Variants in FOXN3 observed in about 807,000 individuals in gnomAD.
The protein encoded by FOXN3 is forkhead box protein N3.
Under a neutral mutation model 38.4 loss-of-function variants are expected in FOXN3, and 7 were observed. The ratio of observed to expected loss-of-function variants is 0.18; its 90% CI spans 0.10 to 0.34. FOXN3 has a LOEUF of 0.34. FOXN3 is among the 10% of genes least tolerant of loss of function. The probability of loss-of-function intolerance (pLI) is 1.00; values close to 1 mark genes in which losing one functional copy is unlikely to be tolerated. For synonymous variants in FOXN3, 230 were observed against 242.2 expected (o/e 0.95, Z 0.47); for missense variants, 456 against 613.4 (o/e 0.74, Z 2.71).
At chr14:89,336,250 T>C (rs55700511) in intron 3 of FOXN3, among the ~76,000 whole-genome samples, 17 of 6,688 alleles carry the variant, frequency 2.5e-3, no homozygotes, top group South Asian at 0.013. Flanking sequence ...ATCCATCCAT[T>C]CATCCATCCA....
chr14:89,546,880 T>C (rs1440909015), intron 1 of FOXN3, among the ~76,000 whole-genome samples: 1 of 151,952 alleles, frequency 6.6e-6, no homozygotes, highest in East Asian at 2.0e-4. Context: ...GCCTCCCAGG[T>C]TCAGGCAATT....
chr14:89,397,565 G>A (rs914167183), intron 2 of FOXN3, among the ~76,000 whole-genome samples: 1 of 151,940 alleles, frequency 6.6e-6, no homozygotes, highest in Non-Finnish European at 1.5e-5. Flanking sequence ...AAACGTCTGA[G>A]GACCCCCTAC....
chr14:89,558,361 C>T (rs1480745182), intron 1 of FOXN3, among the ~76,000 whole-genome samples: 1 of 152,098 alleles, frequency 6.6e-6, no homozygotes, highest in African/African-American at 2.4e-5. Flanking sequence ...TCCAGGAATG[C>T]AATGGTGCAG....
intron 1 of FOXN3, among the ~76,000 whole-genome samples, chr14:89,508,466 C>A (rs1243643735): frequency 1.3e-5 from 2 of 152,204 alleles, no homozygotes; most frequent in Non-Finnish European, 2.9e-5. Flanking sequence ...CCAGTCTACA[C>A]CACCCCAGAG....
intron 2 of FOXN3, among the ~76,000 whole-genome samples, chr14:89,407,238 T>C (rs1163759456): frequency 2.0e-5 from 3 of 152,128 alleles, no homozygotes; most frequent in Non-Finnish European, 2.9e-5. Flanking sequence ...TACTCTATAG[T>C]GTAAGCCATG....
intron 1 of FOXN3, among the ~76,000 whole-genome samples, chr14:89,568,455 T>C (rs8021491): frequency 0.53 from 80,490 of 152,016 alleles, 22,956 homozygotes; most frequent in Middle Eastern, 0.68. Flanking sequence ...TCCCTCACAG[T>C]CGCTCCTTCC....
At chr14:89,295,025 G>C (rs936470674) in intron 3 of FOXN3, among the ~76,000 whole-genome samples, 11 of 152,070 alleles carry the variant, frequency 7.2e-5, no homozygotes, top group Admixed American at 4.6e-4. Flanking sequence ...AGAGCCAATC[G>C]GTGCTGGTAC....
At chr14:89,282,611 C>T (rs1886498588) in intron 3 of FOXN3, among the ~76,000 whole-genome samples, 1 of 152,208 alleles carries the variant, frequency 6.6e-6, no homozygotes, top group African/African-American at 2.4e-5. Context: ...AAGCAGGGAA[C>T]AGCAAGCTGG....
chr14:89,475,007 A>T (rs1343530631), intron 1 of FOXN3, among the ~76,000 whole-genome samples: 2 of 151,450 alleles, frequency 1.3e-5, no homozygotes, highest in Non-Finnish European at 2.9e-5. Context: ...GTAGAGATGG[A>T]GTTTCATCAT....
chr14:89,302,498 T>C (rs1003751266), intron 3 of FOXN3, among the ~76,000 whole-genome samples: 1 of 152,168 alleles, frequency 6.6e-6, no homozygotes. Flanking sequence ...GACCACACAA[T>C]TGAAGCTTTA....
chr14:89,216,010 C>T (rs1884269316), intron 4 of FOXN3, among the ~76,000 whole-genome samples: 1 of 152,164 alleles, frequency 6.6e-6, no homozygotes, highest in South Asian at 2.1e-4. Flanking sequence ...GAATGCCTAC[C>T]TTTTCTCATC....
chr14:89,417,729 T>C (rs1446062408), upstream of FOXN3: 1 of 455,996 alleles, frequency 2.2e-6, no homozygotes, highest in Admixed American at 2.3e-5. Context: ...GTCTCCCCAG[T>C]GCTGCGTCCT....
At chr14:89,295,228 T>C (rs1463876525) in intron 3 of FOXN3, among the ~76,000 whole-genome samples, 1 of 152,174 alleles carries the variant, frequency 6.6e-6, no homozygotes, top group African/African-American at 2.4e-5. Flanking sequence ...CCTTTAATGT[T>C]CAACTCGAAT....
intron 1 of FOXN3, among the ~76,000 whole-genome samples, chr14:89,481,320 T>G (rs1308877172): frequency 6.6e-6 from 1 of 152,130 alleles, no homozygotes; most frequent in Admixed American, 6.5e-5. Flanking sequence ...TAGGGAGTGG[T>G]GGCAGGGGAC....
At chr14:89,404,530 A>T (rs376762009) in intron 2 of FOXN3, among the ~76,000 whole-genome samples, 2 of 137,672 alleles carry the variant, frequency 1.5e-5, no homozygotes, top group African/African-American at 5.7e-5. Context: ...AAAAAAAAAA[A>T]TCGGCAGGAT....
In FOXN3 at chr14:89,282,106, T is replaced by C. The variant is rs76349837; in HGVS notation, c.681-1092A>G. On this transcript the variant is annotated intron_variant, in intron 3 of 5. Coordinates refer to ENST00000557258, the MANE Select transcript of FOXN3 (RefSeq NM_005197.4). ...AATGACACATTCTGCCCACTGGAAT[T>C]TCATTACCAGAGGTACAAATAGTAT... Among the ~76,000 whole-genome samples the C allele has an allele frequency of 3.1e-3, 466 of 152,204 alleles. 1 individual carries two copies. The highest frequency in any genetic ancestry group is 5.2e-3 in the Non-Finnish European group (357 of 68,012).
chr14:89,454,165 A>G (rs1203127359), intron 1 of FOXN3, among the ~76,000 whole-genome samples: 1 of 152,320 alleles, frequency 6.6e-6, no homozygotes, highest in African/African-American at 2.4e-5. Flanking sequence ...TTAGCCGGGC[A>G]TGGTGGCACA....
At chr14:89,329,855 CAAAAAAAAAAAAAAA>C (rs57791098) in intron 3 of FOXN3, among the ~76,000 whole-genome samples, 141 of 59,864 alleles carry the variant, frequency 2.4e-3, no homozygotes, top group Middle Eastern at 0.024. Context: ...GACTCAGTCT[CAAAAAAAAAAAAAAA>C]AAAAAAAAAA....
At chr14:89,348,010 T>C (rs1244072460) in intron 3 of FOXN3, among the ~76,000 whole-genome samples, 1 of 152,106 alleles carries the variant, frequency 6.6e-6, no homozygotes, top group Non-Finnish European at 1.5e-5. Context: ...ATATTTAGCA[T>C]GGTATTTGGA....
Sources: allele counts gnomAD v4.1 joint callset (sites outside exome capture counted in the v4.1 genomes callset), GRCh38; gene constraint gnomAD v4.1.1; transcripts MANE v1.5; gene names NCBI Gene and HGNC (gene_info 2026-07-23, HGNC 2026-07-21).